L3MBTL4: variants seen among roughly 807,000 people sequenced by gnomAD.
L3MBTL4 encodes L3MBTL histone methyl-lysine binding protein 4, also known as lethal(3)malignant brain tumor-like protein 4.
L3MBTL4 carries 70 observed loss-of-function variants against 84.5 expected under a neutral mutation model. The ratio of observed to expected loss-of-function variants is 0.83; its 90% CI spans 0.68 to 1.01. The LOEUF is 1.01. Among genes scored for constraint, L3MBTL4 ranks in the 50% least tolerant of loss-of-function variants. The pLI is 0.00. For synonymous variants in L3MBTL4, 274 were observed against 259.8 expected, an observed-to-expected ratio of 1.05 and a Z score of -0.52; for missense variants, 715 against 754.8, an observed-to-expected ratio of 0.95 and a Z score of 0.62.
intron 16 of L3MBTL4, among the ~76,000 whole-genome samples, chr18:6,062,829 A>ATT (rs35283365): frequency 9.0e-5 from 12 of 133,856 alleles, no homozygotes; most frequent in African/African-American, 2.3e-4. Flanking sequence ...AGCATTTCCA[A>ATT]TTTTTTTTTT....
intron 1 of L3MBTL4, among the ~76,000 whole-genome samples, chr18:6,359,222 A>T (rs7228212): frequency 6.6e-6 from 1 of 152,140 alleles, no homozygotes; most frequent in African/African-American, 2.4e-5. Context: ...CACTTTGGGA[A>T]GCCAAAGTAG....
intron 17 of L3MBTL4, 76 bp downstream of exon 17, chr18:5,969,317 T>C: frequency 6.6e-6 from 10 of 1,514,026 alleles, no homozygotes; most frequent in South Asian, 1.1e-5. Flanking sequence ...CATCAAAGAA[T>C]GGTCAGTGGG....
intron 14 of L3MBTL4, among the ~76,000 whole-genome samples, chr18:6,115,105 C>T (rs1237968474): frequency 6.6e-6 from 1 of 152,096 alleles, no homozygotes; most frequent in Non-Finnish European, 1.5e-5. Flanking sequence ...AAGGAGATGG[C>T]GTGTAGCACA....
intron 12 of L3MBTL4, among the ~76,000 whole-genome samples, chr18:6,192,432 A>T (rs1362621636): frequency 1.3e-5 from 2 of 152,030 alleles, no homozygotes; most frequent in Non-Finnish European, 2.9e-5. Flanking sequence ...AGCAACAGGA[A>T]GGCAGTGGCA....
intron 16 of L3MBTL4, among the ~76,000 whole-genome samples, chr18:6,041,160 T>C (rs1400013918): frequency 6.6e-6 from 1 of 152,130 alleles, no homozygotes; most frequent in African/African-American, 2.4e-5. Context: ...GACACTAAGG[T>C]CTGGAGATGG....
At chr18:6,170,779 G>C (rs1439589864) in intron 13 of L3MBTL4, among the ~76,000 whole-genome samples, 1 of 152,120 alleles carries the variant, frequency 6.6e-6, no homozygotes, top group Non-Finnish European at 1.5e-5. Context: ...TCCGTGACAT[G>C]CTGGGGTGTG....
At chr18:6,061,631 C>T (rs547572021) in intron 16 of L3MBTL4, among the ~76,000 whole-genome samples, 1 of 152,062 alleles carries the variant, frequency 6.6e-6, no homozygotes, top group East Asian at 1.9e-4. Flanking sequence ...ACATTTAGAT[C>T]CATGATCCAT....
intron 1 of L3MBTL4, chr18:6,395,875 T>C (rs1004368434): frequency 1.3e-5 from 2 of 152,202 alleles, no homozygotes; most frequent in African/African-American, 4.8e-5. Context: ...TCTTTCCCAA[T>C]GTCTTAAAAT....
intron 1 of L3MBTL4, among the ~76,000 whole-genome samples, chr18:6,347,769 C>T (rs969002595): frequency 1.3e-5 from 2 of 151,668 alleles, no homozygotes; most frequent in Admixed American, 6.6e-5. Context: ...TGTGGATGCC[C>T]GCTATCATCA....
At chr18:6,090,046 C>T (rs1323353675) in intron 15 of L3MBTL4, among the ~76,000 whole-genome samples, 2 of 152,142 alleles carry the variant, frequency 1.3e-5, no homozygotes, top group Admixed American at 6.6e-5. Context: ...TTCTACTCTA[C>T]TATATGTACC....
At chr18:6,172,383 T>C (rs1359280641) in intron 12 of L3MBTL4, among the ~76,000 whole-genome samples, 1 of 152,042 alleles carries the variant, frequency 6.6e-6, no homozygotes, top group East Asian at 1.9e-4. Flanking sequence ...GATTAGAGTA[T>C]AAAGAAACAA....
At chr18:6,266,892 C>A (rs1036528863) in intron 4 of L3MBTL4, among the ~76,000 whole-genome samples, 3 of 151,794 alleles carry the variant, frequency 2.0e-5, no homozygotes, top group Non-Finnish European at 4.4e-5. Flanking sequence ...CATTGCACTC[C>A]AGCCTGGGCG....
chr18:6,181,235 T>C (rs1168328462), intron 12 of L3MBTL4, among the ~76,000 whole-genome samples: 3 of 152,140 alleles, frequency 2.0e-5, no homozygotes, highest in African/African-American at 7.2e-5. Flanking sequence ...AGGTTTTTTA[T>C]ACAGGTCAAT....
At chr18:6,122,331 T>C (rs2059558948) in intron 14 of L3MBTL4, among the ~76,000 whole-genome samples, 1 of 152,182 alleles carries the variant, frequency 6.6e-6, no homozygotes, top group Non-Finnish European at 1.5e-5. Context: ...AAATAAGTTG[T>C]ACTATCAACT....
At chr18:6,289,467 G>T (rs1383428682) in intron 4 of L3MBTL4, among the ~76,000 whole-genome samples, 2 of 152,128 alleles carry the variant, frequency 1.3e-5, no homozygotes, top group Non-Finnish European at 2.9e-5. Flanking sequence ...TTTTCTTCAT[G>T]AGATCCTTTT....
At chr18:6,149,929 TA>T in intron 13 of L3MBTL4, among the ~76,000 whole-genome samples, 1 of 152,252 alleles carries the variant, frequency 6.6e-6, no homozygotes, top group Admixed American at 6.5e-5. Context: ...AAATTGACAC[TA>T]AACTGGGATG....
intron 13 of L3MBTL4, among the ~76,000 whole-genome samples, chr18:6,144,619 C>T (rs943189252): frequency 3.9e-5 from 6 of 152,216 alleles, no homozygotes; most frequent in Non-Finnish European, 8.8e-5. Flanking sequence ...GCCAACCAAA[C>T]TCTGATTTTG....
chr18:6,379,641 C>A (rs2054514915), intron 1 of L3MBTL4, among the ~76,000 whole-genome samples: 1 of 152,064 alleles, frequency 6.6e-6, no homozygotes, highest in African/African-American at 2.4e-5. Context: ...ATATGTTGAA[C>A]CAGCCTTGCA....
At chr18:6,221,440 A>ATCTGCCAAGGGTCTATCAC (rs2046549225) in intron 10 of L3MBTL4, among the ~76,000 whole-genome samples, 1 of 152,216 alleles carries the variant, frequency 6.6e-6, no homozygotes, top group African/African-American at 2.4e-5. Flanking sequence ...CAATAGACAG[A>ATCTGCCAAGGGTCTATCAC]ATGTTCAGCA....
Sources: allele counts gnomAD v4.1 joint callset (sites outside exome capture counted in the v4.1 genomes callset), GRCh38; gene constraint gnomAD v4.1.1; transcripts MANE v1.5; gene names NCBI Gene and HGNC (gene_info 2026-07-23, HGNC 2026-07-21).